The following GPR158 variants were observed in gnomAD, a reference collection of about 807,000 sequenced individuals.
The protein encoded by GPR158 is metabotropic glycine receptor.
In GPR158, 30 loss-of-function variants were observed where a neutral mutation model predicts 78.2. The ratio of observed to expected loss-of-function variants is 0.38; its 90% CI spans 0.29 to 0.52. The LOEUF is 0.52. Ranked by LOEUF, GPR158 falls within the 20% of genes least tolerant of loss-of-function variation. The pLI is 0.83. For missense variants in GPR158, 1,463 were observed against 1,523.5 expected (o/e 0.96, Z 0.66); for synonymous variants, 581 against 591.1 (o/e 0.98, Z 0.25).
chr10:25,432,842 C>T (rs575973313), intron 4 of GPR158, among the ~76,000 whole-genome samples: 1 of 152,194 alleles, frequency 6.6e-6, no homozygotes, highest in South Asian at 2.1e-4. Flanking sequence ...TACTGAGTGT[C>T]TGATAATGAA....
At chr10:25,333,863 T>G (rs915647233) in intron 2 of GPR158, among the ~76,000 whole-genome samples, 1 of 152,108 alleles carries the variant, frequency 6.6e-6, no homozygotes, top group African/African-American at 2.4e-5. Flanking sequence ...GGGCAGAGCT[T>G]CTTATTTGAC....
chr10:25,513,750 A>C (rs571010208), intron 5 of GPR158, among the ~76,000 whole-genome samples: 1 of 152,098 alleles, frequency 6.6e-6, no homozygotes, highest in Admixed American at 6.5e-5. Flanking sequence ...GAATTTTAAA[A>C]TTTTCATTTT....
intron 2 of GPR158, among the ~76,000 whole-genome samples, chr10:25,279,594 TCTTA>T (rs981415243): frequency 1.3e-5 from 2 of 152,160 alleles, no homozygotes; most frequent in African/African-American, 4.8e-5. Context: ...TTACATTATT[TCTTA>T]CTTTTCAAGG....
chr10:25,557,839 A>C (rs563863107), intron 6 of GPR158, among the ~76,000 whole-genome samples: 2 of 152,306 alleles, frequency 1.3e-5, no homozygotes, highest in East Asian at 3.9e-4. Flanking sequence ...AAGCAAAATC[A>C]TTTTAATGGT....
At chr10:25,337,297 G>A (rs535233596) in intron 2 of GPR158, among the ~76,000 whole-genome samples, 7 of 152,168 alleles carry the variant, frequency 4.6e-5, no homozygotes, top group Admixed American at 3.9e-4. Context: ...CTTCCCAGAT[G>A]TCTTCCTTGT....
intron 7 of GPR158, among the ~76,000 whole-genome samples, chr10:25,583,774 C>T (rs1387589566): frequency 1.3e-5 from 2 of 152,010 alleles, no homozygotes; most frequent in Non-Finnish European, 2.9e-5. Flanking sequence ...CATTTATATA[C>T]TTATTTATGC....
At chr10:25,274,858 G>A (rs959436828) in intron 2 of GPR158, among the ~76,000 whole-genome samples, 6 of 152,124 alleles carry the variant, frequency 3.9e-5, no homozygotes, top group Non-Finnish European at 7.4e-5. Flanking sequence ...TTCATCATCA[G>A]TATTCTAAAT....
intron 4 of GPR158, among the ~76,000 whole-genome samples, chr10:25,446,546 C>G (rs1467241956): frequency 1.3e-5 from 2 of 152,132 alleles, no homozygotes; most frequent in African/African-American, 4.8e-5. Flanking sequence ...TTGTCCATGG[C>G]TTTCCATGTG....
At chr10:25,198,631 G>A (rs2130651729) in intron 1 of GPR158, among the ~76,000 whole-genome samples, 1 of 152,274 alleles carries the variant, frequency 6.6e-6, no homozygotes, top group Non-Finnish European at 1.5e-5. Context: ...TTCTAAATAA[G>A]CAGAAAGCTA....
intron 5 of GPR158, among the ~76,000 whole-genome samples, chr10:25,546,158 G>A (rs1317943269): frequency 2.0e-5 from 3 of 152,188 alleles, no homozygotes; most frequent in Non-Finnish European, 4.4e-5. Context: ...TAGGCATTGT[G>A]TCTGCTCAGC....
intron 2 of GPR158, among the ~76,000 whole-genome samples, chr10:25,333,365 C>T (rs983857677): frequency 1.3e-5 from 2 of 152,112 alleles, no homozygotes; most frequent in South Asian, 2.1e-4. Flanking sequence ...TGGTCTTTCT[C>T]TTGGTTCATT....
intron 5 of GPR158, among the ~76,000 whole-genome samples, chr10:25,545,594 G>A (rs912686092): frequency 3.3e-5 from 5 of 151,816 alleles, no homozygotes; most frequent in African/African-American, 1.2e-4. Flanking sequence ...GTTAAATTTG[G>A]GGGATTTGAA....
At chr10:25,386,368 G>C (rs1473333536) in intron 2 of GPR158, among the ~76,000 whole-genome samples, 2 of 152,152 alleles carry the variant, frequency 1.3e-5, no homozygotes, top group African/African-American at 4.8e-5. Context: ...AAATCAGAAA[G>C]TGTGATGCCT....
intron 1 of GPR158, among the ~76,000 whole-genome samples, chr10:25,198,121 C>T (rs538894785): frequency 5.3e-5 from 8 of 152,316 alleles, no homozygotes; most frequent in African/African-American, 1.7e-4. Flanking sequence ...CTGCATTTAA[C>T]CTGCAGAAGC....
intron 5 of GPR158, among the ~76,000 whole-genome samples, chr10:25,527,485 A>C (rs1258731227): frequency 6.6e-6 from 1 of 152,184 alleles, no homozygotes; most frequent in African/African-American, 2.4e-5. Flanking sequence ...ATTTTTAAAC[A>C]ATTAGCGTGT....
At position 25,568,693 on chromosome 10, in the gene GPR158, G is replaced by T. The variant is rs540412549; in HGVS notation, c.1515-3956G>T. Reference sequence around the variant, plus strand: ...TGAATATAATGACAATTTCTGGGTTGTCCTTTTTCTTTGTCATTTCAGAAT... The same window carrying T: ...TGAATATAATGACAATTTCTGGGTTTTCCTTTTTCTTTGTCATTTCAGAAT... On this transcript the variant is annotated intron_variant, in intron 6 of 10. Transcript: ENST00000376351. Among the ~76,000 whole-genome samples the T allele has an allele frequency of 1.1e-3, 167 of 152,278 alleles. 2 individuals carry two copies. The highest frequency in any genetic ancestry group is 3.8e-3 in the African/African-American group (157 of 41,558).
At chr10:25,464,577 A>G (rs1835397588) in intron 4 of GPR158, among the ~76,000 whole-genome samples, 1 of 152,196 alleles carries the variant, frequency 6.6e-6, no homozygotes, top group African/African-American at 2.4e-5. Flanking sequence ...AGATTAAAAT[A>G]CCCGTTTTAT....
At chr10:25,251,890 A>G (rs919681308) in intron 2 of GPR158, among the ~76,000 whole-genome samples, 15 of 151,936 alleles carry the variant, frequency 9.9e-5, no homozygotes, top group East Asian at 9.7e-4. Flanking sequence ...GTTCTCCTGG[A>G]TAATATCCTG....
intron 2 of GPR158, among the ~76,000 whole-genome samples, chr10:25,334,987 T>G (rs1232442561): frequency 6.6e-6 from 1 of 152,034 alleles, no homozygotes; most frequent in Non-Finnish European, 1.5e-5. Context: ...TCATAGTGAA[T>G]GCAAATCTTT....
Sources: allele counts gnomAD v4.1 joint callset (sites outside exome capture counted in the v4.1 genomes callset), GRCh38; gene constraint gnomAD v4.1.1; transcripts MANE v1.5; gene names NCBI Gene and HGNC (gene_info 2026-07-23, HGNC 2026-07-21).